SLC4A5: variants seen among roughly 807,000 people sequenced by gnomAD.
SLC4A5 encodes electrogenic sodium bicarbonate cotransporter 4.
SLC4A5 carries 96 observed loss-of-function variants against 120.4 expected under a neutral mutation model. The observed-to-expected ratio is 0.80, with a 90% confidence interval of 0.68 to 0.94. The LOEUF is 0.94. Ranked by LOEUF, SLC4A5 falls within the 40% of genes least tolerant of loss-of-function variation. The probability of loss-of-function intolerance (pLI) is 0.00; values close to 1 mark genes in which losing one functional copy is unlikely to be tolerated. For synonymous variants in SLC4A5, 550 were observed against 571.1 expected, an observed-to-expected ratio of 0.96 and a Z score of 0.53; for missense variants, 1,259 against 1,459.5, an observed-to-expected ratio of 0.86 and a Z score of 2.24.
intron 6 of SLC4A5, among the ~76,000 whole-genome samples, chr2:74,312,243 ATGTGTGTGTGTGTGTGTG>A (rs111417670): frequency 1.0e-4 from 14 of 139,352 alleles, no homozygotes; most frequent in Non-Finnish European, 1.3e-4. Context: ...GTGTGTGTAT[ATGTGTGTGTGTGTGTGTG>A]TGTGTGTGTG....
At chr2:74,262,341 C>G in intron 10 of SLC4A5, 109 bp from the exon 11 acceptor site, 2 of 575,198 alleles carry the variant, frequency 3.5e-6, no homozygotes, top group Non-Finnish European at 6.0e-6. Context: ...AGACATGTCT[C>G]TTCCCCTTCT....
intron 7 of SLC4A5, among the ~76,000 whole-genome samples, chr2:74,292,333 C>T (rs1412033616): frequency 6.6e-6 from 1 of 152,180 alleles, no homozygotes; most frequent in African/African-American, 2.4e-5. Context: ...CCATGCTCCT[C>T]CCATGCTACC....
chr2:74,261,752 T>C (rs996852147), intron 11 of SLC4A5, among the ~76,000 whole-genome samples: 2 of 152,216 alleles, frequency 1.3e-5, no homozygotes, highest in African/African-American at 4.8e-5. Flanking sequence ...GAATGCTGCC[T>C]GACTGAACTG....
At chr2:74,263,477 C>G (rs890196969) in intron 10 of SLC4A5, among the ~76,000 whole-genome samples, 1 of 152,158 alleles carries the variant, frequency 6.6e-6, no homozygotes, top group East Asian at 1.9e-4. Context: ...GTCTGACAGG[C>G]TCAGTAGGGC....
intron 8 of SLC4A5, among the ~76,000 whole-genome samples, chr2:74,270,741 T>C (rs1325527306): frequency 2.6e-5 from 4 of 152,184 alleles, no homozygotes; most frequent in Non-Finnish European, 5.9e-5. Flanking sequence ...GACCCTGCCA[T>C]GGAAACTCCC....
chr2:74,334,775 G>A (rs906493440), intron 3 of SLC4A5, among the ~76,000 whole-genome samples: 4 of 151,534 alleles, frequency 2.6e-5, no homozygotes, highest in East Asian at 1.9e-4. Context: ...AAAAAAATGC[G>A]AATAATAATT....
At chr2:74,253,850 A>C (rs1670872042) in intron 14 of SLC4A5, among the ~76,000 whole-genome samples, 1 of 152,186 alleles carries the variant, frequency 6.6e-6, no homozygotes, top group Non-Finnish European at 1.5e-5. Flanking sequence ...TGTTAGCATC[A>C]CTCGTAGGAA....
intron 25 of SLC4A5, among the ~76,000 whole-genome samples, chr2:74,229,881 GT>G (rs776603381): frequency 0.032 from 4,463 of 138,940 alleles, 202 homozygotes; most frequent in African/African-American, 0.11. Context: ...TCTGAATGAG[GT>G]TTTTTTTTTT....
At chr2:74,328,634 G>C (rs1673276322) in intron 4 of SLC4A5, among the ~76,000 whole-genome samples, 1 of 152,126 alleles carries the variant, frequency 6.6e-6, no homozygotes, top group Non-Finnish European at 1.5e-5. Context: ...AGGGGCAGTG[G>C]CATTTCCAGG....
intron 27 of SLC4A5, among the ~76,000 whole-genome samples, chr2:74,225,552 T>G (rs1328590051): frequency 6.6e-6 from 1 of 152,104 alleles, no homozygotes; most frequent in Admixed American, 6.5e-5. Flanking sequence ...GCCAAGATTG[T>G]GCCACTGCAT....
intron 20 of SLC4A5, 117 bp from the exon 21 acceptor site, chr2:74,239,652 GC>G (rs1416270496): frequency 1.2e-5 from 11 of 937,702 alleles, no homozygotes; most frequent in Non-Finnish European, 1.5e-5. Flanking sequence ...AGGGACCCCA[GC>G]CCCCCAGAGT....
chr2:74,311,973 T>C (rs1484067710), intron 6 of SLC4A5, among the ~76,000 whole-genome samples: 1 of 152,240 alleles, frequency 6.6e-6, no homozygotes, highest in Non-Finnish European at 1.5e-5. Context: ...CTCATGTATT[T>C]TGATGCTCTG....
chr2:74,240,041 TTATATA>T (rs142456944), intron 20 of SLC4A5, among the ~76,000 whole-genome samples: 2 of 145,382 alleles, frequency 1.4e-5, no homozygotes, highest in Non-Finnish European at 3.0e-5. Context: ...ATATATAAAT[TTATATA>T]TATATATATA....
intron 6 of SLC4A5, 26 bp from the exon 7 acceptor site, chr2:74,304,706 G>A: frequency 1.9e-6 from 3 of 1,586,074 alleles, no homozygotes; most frequent in Non-Finnish European, 1.7e-6. Context: ...AAAAGACAGG[G>A]GAGGCAGGGT....
At chr2:74,280,724 GC>G (rs1430120876) in intron 8 of SLC4A5, among the ~76,000 whole-genome samples, 1 of 149,472 alleles carries the variant, frequency 6.7e-6, no homozygotes, top group African/African-American at 2.5e-5. Context: ...CACTCTTGTT[GC>G]CCAGGCTGGA....
chr2:74,324,639 T>C (rs1282758733), intron 5 of SLC4A5, among the ~76,000 whole-genome samples: 1 of 152,188 alleles, frequency 6.6e-6, no homozygotes, highest in Non-Finnish European at 1.5e-5. Context: ...AGCTGATATC[T>C]TCCTACTCCA....
At chr2:74,230,869 C>T (rs1424271512) in intron 25 of SLC4A5, among the ~76,000 whole-genome samples, 4 of 151,860 alleles carry the variant, frequency 2.6e-5, no homozygotes, top group Admixed American at 2.6e-4. Context: ...TGCAGTGGTG[C>T]GATCTTGGCT....
chr2:74,306,721 T>C (rs2104267817), intron 6 of SLC4A5: 11 of 1,205,560 alleles, frequency 9.1e-6, no homozygotes, highest in Middle Eastern at 3.1e-4. Flanking sequence ...CTGCTTCTGC[T>C]GGCTTAATGT....
At chr2:74,335,469 T>G (rs1389567736) in intron 3 of SLC4A5, among the ~76,000 whole-genome samples, 2 of 152,190 alleles carry the variant, frequency 1.3e-5, no homozygotes, top group African/African-American at 4.8e-5. Context: ...TGTACTTCCT[T>G]AGCCAAAGGA....
Sources: allele counts gnomAD v4.1 joint callset (sites outside exome capture counted in the v4.1 genomes callset), GRCh38; gene constraint gnomAD v4.1.1; transcripts MANE v1.5; gene names NCBI Gene and HGNC (gene_info 2026-07-23, HGNC 2026-07-21).